ARID4B: variants seen among roughly 807,000 people sequenced by gnomAD.
ARID4B encodes AT-rich interactive domain-containing protein 4B.
In ARID4B, 26 loss-of-function variants were observed where a neutral mutation model predicts 147.5. The observed-to-expected ratio is 0.18, with a 90% CI of 0.13 to 0.24. The LOEUF (loss-of-function observed/expected upper bound fraction) is 0.24. ARID4B is among the 10% of genes least tolerant of loss of function. The pLI, the probability that ARID4B is intolerant of heterozygous loss-of-function variation, is 1.00. For missense variants in ARID4B, 1,179 were observed against 1,511.5 expected (o/e 0.78, Z 3.65); for synonymous variants, 512 against 507.9 (o/e 1.01, Z -0.11).
At chr1:235,216,668 T>C (rs895022768) in intron 16 of ARID4B, among the ~76,000 whole-genome samples, 2 of 152,210 alleles carry the variant, frequency 1.3e-5, no homozygotes, top group East Asian at 1.9e-4. Flanking sequence ...AACAATGTTA[T>C]TGAAAATAAT....
chr1:235,236,492 TTGTGTG>T (rs111585112), intron 8 of ARID4B, among the ~76,000 whole-genome samples: 321 of 147,052 alleles, frequency 2.2e-3, no homozygotes, highest in South Asian at 5.0e-3. Flanking sequence ...TACAAAACAG[TTGTGTG>T]TGTGTGTGTG....
At chr1:235,177,721 C>T (rs1366074967) in intron 21 of ARID4B, 79 bp downstream of exon 21, 8 of 941,046 alleles carry the variant, frequency 8.5e-6, no homozygotes, top group Admixed American at 4.5e-5. Flanking sequence ...ATCCCATACC[C>T]TGAATACCAT....
intron 17 of ARID4B, among the ~76,000 whole-genome samples, chr1:235,198,906 C>CTCCTGACCTCAGGTGAT (rs1665686077): frequency 6.6e-6 from 1 of 152,146 alleles, no homozygotes; most frequent in Non-Finnish European, 1.5e-5. Flanking sequence ...TCGAGACCAG[C>CTCCTGACCTCAGGTGAT]CTGGCCAATA....
rs1051565295 is a variant in ARID4B, at chr1:235,234,512, A to G, written c.586-20T>C. 1 of 1,538,700 alleles carries G rather than the reference A, an allele frequency of 6.5e-7. No individual in the cohort carries two copies. The highest frequency in any genetic ancestry group is 8.9e-7 in the Non-Finnish European group (1 of 1,118,512). On this transcript the variant is annotated intron_variant, in intron 8 of 23. Coordinates refer to ENST00000264183, the MANE Select transcript of ARID4B (RefSeq NM_016374.6). ...AACCACCTTTTAAGAAAAAGGGTGA[A>G]GCTATTATAACTAAAAGAACTCATA...
At chr1:235,276,154 G>C (rs1203565605) in intron 2 of ARID4B, among the ~76,000 whole-genome samples, 1 of 108,730 alleles carries the variant, frequency 9.2e-6, no homozygotes, top group African/African-American at 3.5e-5. Context: ...AAAAAATCTT[G>C]ACCAGTAAGA....
chr1:235,265,987 TA>T (rs1018142385), intron 2 of ARID4B, among the ~76,000 whole-genome samples: 8 of 152,134 alleles, frequency 5.3e-5, no homozygotes, highest in African/African-American at 1.4e-4. Flanking sequence ...GGTTAAGTCA[TA>T]AAAAAAATTC....
At chr1:235,168,851 A>G (rs1465601454) in intron 23 of ARID4B, among the ~76,000 whole-genome samples, 199 bp from the exon 24 acceptor site, 1 of 152,220 alleles carries the variant, frequency 6.6e-6, no homozygotes, top group African/African-American at 2.4e-5. Flanking sequence ...GACAGTGCCC[A>G]ACTACAGAAG....
At chr1:235,259,917 G>A (rs997896799) in intron 3 of ARID4B, among the ~76,000 whole-genome samples, 3 of 152,146 alleles carry the variant, frequency 2.0e-5, no homozygotes, top group Non-Finnish European at 4.4e-5. Context: ...GGACAGATCA[G>A]GTCAATCTCA....
intron 4 of ARID4B, 78 bp downstream of exon 4, chr1:235,257,082 A>G: frequency 1.0e-6 from 1 of 971,150 alleles, no homozygotes; most frequent in Non-Finnish European, 1.6e-6. Context: ...CAATAACAAA[A>G]GAGCCAATGA....
At chr1:235,257,859 A>T (rs890690421) in intron 3 of ARID4B, among the ~76,000 whole-genome samples, 2 of 152,194 alleles carry the variant, frequency 1.3e-5, no homozygotes, top group Admixed American at 1.3e-4. Flanking sequence ...ATGAGAAAGA[A>T]AGATATGGGG....
At chr1:235,317,772 C>T (rs1203022041) in intron 2 of ARID4B, among the ~76,000 whole-genome samples, 1 of 152,120 alleles carries the variant, frequency 6.6e-6, no homozygotes, top group Non-Finnish European at 1.5e-5. Flanking sequence ...CTGTTTTGTT[C>T]CCTGACATAT....
chr1:235,318,949 A>G (rs114168557), intron 2 of ARID4B, among the ~76,000 whole-genome samples: 1,697 of 152,238 alleles, frequency 0.011, 36 homozygotes, highest in African/African-American at 0.039. Flanking sequence ...CTGCTAATGG[A>G]TAAGAAGTTT....
At chr1:235,277,359 G>A (rs1004008453) in intron 2 of ARID4B, among the ~76,000 whole-genome samples, 1 of 151,994 alleles carries the variant, frequency 6.6e-6, no homozygotes, top group Non-Finnish European at 1.5e-5. Context: ...GACCAACATA[G>A]TGAAACCCGG....
In ARID4B at chr1:235,234,481, AG is replaced by A; in HGVS notation, c.596del (p.Pro199LeufsTer9). 6.2e-7 allele frequency: 1 copy of A among 1,603,928 alleles called. No homozygotes were observed. On this transcript the variant is annotated frameshift_variant, in exon 9 of 24. Transcript: ENST00000264183. LOFTEE classifies it high-confidence loss of function. ...TTACAGCAATCTCATCACTACAATC[AG>A]GACAAACCACCTTTTAAGAAAAAGG... Reference protein sequence around the residue: ...ALWFPALVVCPDCSDEIAVKK... With the variant: ...ALWFPALVVCXDCSDEIAVKK...
chr1:235,299,687 C>A (rs896338926), intron 2 of ARID4B, among the ~76,000 whole-genome samples: 3 of 152,096 alleles, frequency 2.0e-5, no homozygotes, highest in African/African-American at 7.2e-5. Context: ...TTTTTAAAAG[C>A]GGAGCAGTTC....
intron 2 of ARID4B, among the ~76,000 whole-genome samples, chr1:235,285,020 CAGCCTCCCA>C (rs1671886639): frequency 6.6e-6 from 1 of 152,146 alleles, no homozygotes; most frequent in Non-Finnish European, 1.5e-5. Flanking sequence ...CCTCCCACCT[CAGCCTCCCA>C]AGCCTCCCAA....
chr1:235,175,092 C>T (rs959473176), intron 22 of ARID4B, 92 bp downstream of exon 22: 16 of 1,145,450 alleles, frequency 1.4e-5, no homozygotes, highest in African/African-American at 6.2e-5. Context: ...GGTGACAGAG[C>T]GAGACTCTGT....
chr1:235,231,148 T>C lies in ARID4B; in HGVS notation c.707A>G (p.Asp236Gly). ...AACAGCATCAGGCTTTGGTGCAGTG[T>C]CACTAGTAATTTCATGGACATCTTT... ...PRKDVHEITS[D>G]TAPKPDAVLK... is the part of the protein sequence containing the mutation. The change falls in exon 10 of 24, where the codon GAC becomes GGC. Residue 236 changes from aspartate (D) to glycine (G), a missense_variant. Asp to Gly is a moderately conservative substitution (Grantham distance 94). Around this residue, in one of 10 missense-constraint regions of ARID4B, gnomAD observed 159 missense variants for 190.5 expected, o/e 0.83. Transcript: ENST00000264183. 1 of 1,592,324 alleles carries C rather than the reference T, an allele frequency of 6.3e-7. No individual in the cohort carries two copies. The highest frequency in any genetic ancestry group is 8.5e-7 in the Non-Finnish European group (1 of 1,171,250).
intron 8 of ARID4B, 82 bp downstream of exon 8, chr1:235,240,231 T>A (rs189627830): frequency 7.9e-7 from 1 of 1,267,862 alleles, no homozygotes; most frequent in Non-Finnish European, 1.1e-6. Flanking sequence ...TTTGTACCTA[T>A]GAAAAACATT....
Sources: gnomAD v4.1 joint callset for allele counts (sites outside exome capture counted in the v4.1 genomes callset) on GRCh38, gnomAD v4.1.1 for gene constraint, gnomAD v4.1.1 regional missense constraint, MANE v1.5 for transcripts, NCBI Gene and HGNC (gene_info 2026-07-23, HGNC 2026-07-21) for gene names.